The following EHMT1 variants were observed in gnomAD, a reference collection of about 807,000 sequenced individuals.
EHMT1 encodes euchromatic histone lysine methyltransferase 1, also known as histone-lysine N-methyltransferase EHMT1.
In EHMT1, 15 loss-of-function variants were observed where a neutral mutation model predicts 147.2. The ratio of observed to expected loss-of-function variants is 0.10; its 90% confidence interval spans 0.07 to 0.16. The LOEUF (loss-of-function observed/expected upper bound fraction) is 0.16. Among genes scored for constraint, EHMT1 ranks in the 10% least tolerant of loss-of-function variants. EHMT1 has a pLI of 1.00. For missense variants in EHMT1, 1,587 were observed against 1,772.4 expected (o/e 0.90, Z 1.88); for synonymous variants, 795 against 709.6 (o/e 1.12, Z -1.91).
At chr9:137,652,491 A>C (rs763033150) in intron 1 of EHMT1, among the ~76,000 whole-genome samples, 15 of 151,572 alleles carry the variant, frequency 9.9e-5, no homozygotes, top group Non-Finnish European at 1.6e-4. Context: ...GGTTGGAGCA[A>C]TTCTCCTGCC....
chr9:137,737,178 C>T (rs1947612324), intron 4 of EHMT1, among the ~76,000 whole-genome samples: 1 of 152,146 alleles, frequency 6.6e-6, no homozygotes, highest in South Asian at 2.1e-4. Flanking sequence ...TATCACTGCA[C>T]TTTAGCCTAG....
At chr9:137,711,278 G>A (rs1372535421) in intron 2 of EHMT1, among the ~76,000 whole-genome samples, 2 of 152,136 alleles carry the variant, frequency 1.3e-5, no homozygotes, top group Non-Finnish European at 2.9e-5. Flanking sequence ...TTGTCTTAAA[G>A]TACACCCAGA....
At chr9:137,818,383 G>T (rs1418789305) in intron 25 of EHMT1, among the ~76,000 whole-genome samples, 1 of 152,204 alleles carries the variant, frequency 6.6e-6, no homozygotes, top group African/African-American at 2.4e-5. Flanking sequence ...TTTCTTGTGA[G>T]AGTGGGCCTG....
At chr9:137,792,303 A>G (rs979032490) in intron 16 of EHMT1, 4 of 322,520 alleles carry the variant, frequency 1.2e-5, no homozygotes, top group Non-Finnish European at 2.5e-5. Context: ...TACAAAGACC[A>G]TTCAATGGGG....
chr9:137,625,283 C>G (rs1166405353), intron 1 of EHMT1, among the ~76,000 whole-genome samples: 1 of 152,174 alleles, frequency 6.6e-6, no homozygotes, highest in Non-Finnish European at 1.5e-5. Flanking sequence ...GCGTTTAGTG[C>G]TAGCCTTTTG....
rs1951962493 is a variant in EHMT1 at position 137,786,324 on chromosome 9, ATT to A, written c.2382+3932_2382+3933del. 1 of 152,096 alleles carries A rather than the reference ATT, an allele frequency of 6.6e-6. No homozygotes were observed. The highest frequency in any genetic ancestry group is 1.5e-5 in the Non-Finnish European group (1 of 68,034). 9.4% of individuals were successfully genotyped at this position (152,096 alleles called of 1,614,324 possible). A position where few individuals can be genotyped will look rare whatever the true frequency, so the allele number is the denominator to read the frequency against. ...TGTTGCTGGTCTTAGAGGGATTTCT[ATT>A]TTTTCTTCCCCTTAGAATCTAAGCG... is the stretch of plus-strand genomic sequence containing the variant. On this transcript the variant is annotated intron_variant, in intron 15 of 26. Coordinates refer to ENST00000460843, the MANE Select transcript of EHMT1 (RefSeq NM_024757.5). The surrounding 1 kb of genome is among the most constrained non-coding windows in gnomAD (Gnocchi z 4.3).
chr9:137,722,953 CCGGGGG>C lies in EHMT1; in HGVS notation c.643-5395_643-5390del, dbSNP rs1564641471. 3.4e-3 allele frequency among the ~76,000 whole-genome samples: 363 copies of C among 107,018 alleles called. 94 individuals carry two copies. The highest frequency in any genetic ancestry group is 0.016 in the African/African-American group (342 of 21,406). The allele number at this position is 107,018 out of a possible 152,430, so 70.2% of individuals were successfully genotyped here. A position where few individuals can be genotyped will look rare whatever the true frequency, so the allele number is the denominator to read the frequency against. ...CTGTGTCTGTGGTTCTGGGCCTGAG[CCGGGGG>C]TGTGTCTGTGTCTGTGGTTCTAGGC... On this transcript the variant is annotated intron_variant, in intron 3 of 26. Coordinates refer to ENST00000460843, the MANE Select transcript of EHMT1 (RefSeq NM_024757.5).
At chr9:137,639,638 A>G (rs1844337942) in intron 1 of EHMT1, among the ~76,000 whole-genome samples, 1 of 151,942 alleles carries the variant, frequency 6.6e-6, no homozygotes, top group Non-Finnish European at 1.5e-5. Context: ...CAGTTTTTTT[A>G]TGGTTTATTT....
At chr9:137,817,165 G>C in intron 23 of EHMT1, 1 of 530,914 alleles carries the variant, frequency 1.9e-6, no homozygotes, top group South Asian at 2.0e-5. Context: ...GCCCAGCTCT[G>C]TCCCCATGTT....
At chr9:137,814,065 C>CCCCCCG (rs1954725048) in intron 21 of EHMT1, among the ~76,000 whole-genome samples, 1 of 100,974 alleles carries the variant, frequency 9.9e-6, no homozygotes, top group Non-Finnish European at 2.0e-5. Context: ...GGCCCCCCCC[C>CCCCCCG]CCCCCCGCCC....
At chr9:137,687,637 T>G (rs1942575727) in intron 1 of EHMT1, among the ~76,000 whole-genome samples, 1 of 152,158 alleles carries the variant, frequency 6.6e-6, no homozygotes, top group Non-Finnish European at 1.5e-5. Flanking sequence ...GATTAGTGCC[T>G]TAGAAAAGAG....
At chr9:137,768,291 C>T (rs11137214) in intron 10 of EHMT1, among the ~76,000 whole-genome samples, 9 of 150,350 alleles carry the variant, frequency 6.0e-5, no homozygotes, top group East Asian at 1.9e-4. Flanking sequence ...AGGCTAACAT[C>T]GTAATAGTTT....
chr9:137,633,596 T>C (rs1843765703), intron 1 of EHMT1, among the ~76,000 whole-genome samples: 3 of 152,178 alleles, frequency 2.0e-5, no homozygotes, highest in Non-Finnish European at 4.4e-5. Context: ...CATTTTAAAA[T>C]GTGCACCTCA....
rs1956534366 is a variant in EHMT1, at chr9:137,835,619, T to C, written c.*666T>C. ...CTTGGTGGGTGCAGCCCCCGCCGGT[T>C]CCGTTGACGCTGGCACCTTCTGTTG... On this transcript the variant is annotated 3_prime_UTR_variant, in exon 27 of 27. Transcript: ENST00000460843. 1 of 152,704 alleles carries C rather than the reference T, an allele frequency of 6.5e-6. No individual in the cohort carries two copies. The allele number at this position is 152,704 out of a possible 1,614,324, so 9.5% of individuals were successfully genotyped here.
In EHMT1 at chr9:137,641,399, A is replaced by C. The variant is rs10867036; in HGVS notation, c.21+22350A>C. 2.5e-3 allele frequency: 1,310 copies of C among 529,086 alleles called. 18 individuals carry two copies. Among genetic ancestry groups the C allele is most frequent in the African/African-American group, 0.024 (1,216 of 51,680 alleles). The allele number at this position is 529,086 out of a possible 1,614,324, so 32.8% of individuals were successfully genotyped here. A position where few individuals can be genotyped will look rare whatever the true frequency, so the allele number is the denominator to read the frequency against. ...AAAAACCTATTCTGTAACCTGATTTAATATCTTCAAATTCTGTCACTTCAG... is the reference window on the plus strand; with the variant it reads ...AAAAACCTATTCTGTAACCTGATTTCATATCTTCAAATTCTGTCACTTCAG... On this transcript the variant is annotated intron_variant, in intron 1 of 26. Transcript: ENST00000460843.
intron 7 of EHMT1, among the ~76,000 whole-genome samples, chr9:137,753,023 G>A (rs1158009888): frequency 4.6e-5 from 7 of 152,140 alleles, no homozygotes; most frequent in Admixed American, 3.3e-4. Flanking sequence ...CCTGGTCTGC[G>A]GGAATTGGGT....
chr9:137,765,317 C>G lies in EHMT1; in HGVS notation c.1647+2497C>G, dbSNP rs186064135. On this transcript the variant is annotated intron_variant, in intron 10 of 26. Transcript: ENST00000460843. ...CTTTGCAGAGTAATGAATGGGTGCTCTAACAACCTCTAGTGGTATCCGGAG... is the reference window on the plus strand; with the variant it reads ...CTTTGCAGAGTAATGAATGGGTGCTGTAACAACCTCTAGTGGTATCCGGAG... Among the ~76,000 whole-genome samples, 347 of 152,174 alleles carry G rather than the reference C, an allele frequency of 2.3e-3. 3 individuals carry two copies. Among genetic ancestry groups the G allele is most frequent in the African/African-American group, 7.8e-3 (323 of 41,490 alleles).
intron 3 of EHMT1, among the ~76,000 whole-genome samples, chr9:137,725,895 G>A (rs1230565865): frequency 6.6e-6 from 1 of 152,048 alleles, no homozygotes; most frequent in Non-Finnish European, 1.5e-5. Context: ...TCTCCTCCGT[G>A]TGCTCTTGCC....
At chr9:137,783,994 A>C in intron 15 of EHMT1, 2 of 499,560 alleles carry the variant, frequency 4.0e-6, no homozygotes, top group Non-Finnish European at 7.2e-6. Flanking sequence ...ATTTATACCT[A>C]ATGTCTTATA....
Sources: allele counts gnomAD v4.1 joint callset (sites outside exome capture counted in the v4.1 genomes callset), GRCh38; gene constraint gnomAD v4.1.1; non-coding constraint Gnocchi (gnomAD v3.1); transcripts MANE v1.5; gene names NCBI Gene and HGNC (gene_info 2026-07-23, HGNC 2026-07-21).